FAM234A: variants seen among roughly 807,000 people sequenced by gnomAD.
FAM234A encodes family with sequence similarity 234 member A.
FAM234A carries 42 observed loss-of-function variants against 49.1 expected under a neutral mutation model. That is an observed-to-expected ratio of 0.86 (90% CI 0.67 to 1.11). The LOEUF is 1.11. FAM234A is among the 50% of genes least tolerant of loss of function. The probability of loss-of-function intolerance (pLI) is 0.00; values close to 1 mark genes in which losing one functional copy is unlikely to be tolerated. For synonymous variants in FAM234A, 369 were observed against 316.2 expected, an observed-to-expected ratio of 1.17 and a Z score of -1.77; for missense variants, 815 against 745.2, an observed-to-expected ratio of 1.09 and a Z score of -1.09.
chr16:266,259 C>G, downstream of FAM234A: 1 of 216,962 alleles, frequency 4.6e-6, no homozygotes. Context: ...CCACCCAGAC[C>G]TGCTCAGTCA....
rs551636185 is a variant in FAM234A at position 260,423 on chromosome 16, A to T, written c.577+263A>T. ...GGCTGTAACACACAGGGGCAGTCCG[A>T]TGTCACCTGCCATGGGGTAGCAGAG... On this transcript the variant is annotated intron_variant, in intron 5 of 12. Coordinates refer to ENST00000399932, the MANE Select transcript of FAM234A (RefSeq NM_032039.4). 3.1e-5 allele frequency: 17 copies of T among 543,570 alleles called. No individual in the cohort carries two copies. In the African/African-American group the frequency reaches 3.2e-4, roughly 10 times the overall value. 33.7% of individuals were successfully genotyped at this position (543,570 alleles called of 1,614,324 possible). A position where few individuals can be genotyped will look rare whatever the true frequency, so the allele number is the denominator to read the frequency against.
chr16:267,832 T>C (rs374616979), downstream of FAM234A, among the ~76,000 whole-genome samples: 1,318 of 146,944 alleles, frequency 9.0e-3, 14 homozygotes, highest in Non-Finnish European at 0.012. Flanking sequence ...ACACATGCTA[T>C]GCGTACACAC....
rs1596867901 is a variant in FAM234A at position 265,909 on chromosome 16, C to T, written c.*887C>T. 7.1e-6 allele frequency: 7 copies of T among 986,452 alleles called. No homozygotes were observed. Among genetic ancestry groups the T allele is most frequent in the Non-Finnish European group, 8.4e-6 (7 of 830,492 alleles). 61.1% of individuals were successfully genotyped at this position (986,452 alleles called of 1,614,324 possible). ...TCTCCCCTTCCGGTGCTCACACGCC[C>T]ACGCCGTGCCACCCGATGCAGGACT... On this transcript the variant is annotated 3_prime_UTR_variant, in exon 13 of 13. Transcript: ENST00000399932.
rs12920602 is a variant in FAM234A, at chr16:234,875, C to T, written c.-140+18C>T. 6 of 152,266 alleles carry T rather than the reference C, an allele frequency of 3.9e-5. No individual in the cohort carries two copies. Among genetic ancestry groups the T allele is most frequent in the Admixed American group, 2.0e-4 (3 of 15,272 alleles). 9.4% of individuals were successfully genotyped at this position (152,266 alleles called of 1,614,324 possible). ...GGCGGCAGGTGAGTGAGCGCGGCCT[C>T]GTACTCGCGCGTGCACGCCGCAGGG... is the stretch of plus-strand genomic sequence containing the variant. On this transcript the variant is annotated intron_variant, in intron 1 of 12. Transcript: ENST00000399932.
At chr16:266,357 G>C (rs1456528101), downstream of FAM234A, among the ~76,000 whole-genome samples, 1 of 152,244 alleles carries the variant, frequency 6.6e-6, no homozygotes, top group Non-Finnish European at 1.5e-5. Flanking sequence ...CTGGCCCCAT[G>C]CAAGCGGGTG....
intron 1 of FAM234A, among the ~76,000 whole-genome samples, chr16:242,863 C>T (rs1393721599): frequency 1.3e-5 from 2 of 152,310 alleles, no homozygotes; most frequent in Non-Finnish European, 1.5e-5. Flanking sequence ...CCACCCACCT[C>T]AGCCTCCCAA....
intron 1 of FAM234A, among the ~76,000 whole-genome samples, chr16:245,090 C>T (rs542194980): frequency 6.6e-6 from 1 of 151,896 alleles, no homozygotes; most frequent in Non-Finnish European, 1.5e-5. Context: ...TTAGGCTGGG[C>T]GTGGCCCACA....
chr16:268,578 G>A, downstream of FAM234A: 1 of 612,016 alleles, frequency 1.6e-6, no homozygotes, highest in Non-Finnish European at 2.9e-6. Flanking sequence ...ATGGAATCGG[G>A]CCTCGTCAGT....
At chr16:252,178 G>GTTT (rs1368906456) in intron 2 of FAM234A, among the ~76,000 whole-genome samples, 12 of 126,110 alleles carry the variant, frequency 9.5e-5, no homozygotes, top group Admixed American at 1.6e-4. Context: ...CTGTTTTTCT[G>GTTT]TTTTTTGTTT....
chr16:268,412 G>T (rs1469835724), downstream of FAM234A: 8 of 338,484 alleles, frequency 2.4e-5, no homozygotes, highest in African/African-American at 1.5e-4. Context: ...CCGCCCTACC[G>T]CCGAGAGAGT....
At chr16:262,288 C>G (rs566146463) in intron 7 of FAM234A, 63 bp downstream of exon 7, 1 of 1,594,152 alleles carries the variant, frequency 6.3e-7, no homozygotes, top group African/African-American at 1.3e-5. Context: ...CCCTGCGGCT[C>G]CTCAGGTCCT....
At chr16:257,254 T>C in intron 3 of FAM234A, among the ~76,000 whole-genome samples, 1 of 143,060 alleles carries the variant, frequency 7.0e-6, no homozygotes, top group Non-Finnish European at 1.5e-5. Flanking sequence ...TTTTTTTTTT[T>C]TTTTTTTTGG....
chr16:266,982 C>G (rs996066409), downstream of FAM234A, among the ~76,000 whole-genome samples: 7 of 152,056 alleles, frequency 4.6e-5, no homozygotes, highest in Non-Finnish European at 7.4e-5. Context: ...GTGGGCAGGG[C>G]CATGAGCCCC....
chr16:266,301 C>G (rs1336651987), downstream of FAM234A, among the ~76,000 whole-genome samples: 2 of 152,214 alleles, frequency 1.3e-5, no homozygotes, highest in Non-Finnish European at 2.9e-5. Context: ...TTGACATCCT[C>G]TGGGGGTCTC....
intron 2 of FAM234A, among the ~76,000 whole-genome samples, chr16:253,381 T>A (rs571545252): frequency 8.5e-5 from 13 of 152,322 alleles, no homozygotes; most frequent in African/African-American, 2.9e-4. Context: ...TTCTAGTTAG[T>A]CTGTGCTTAT....
chr16:249,164 G>A (rs1182003771), intron 1 of FAM234A, among the ~76,000 whole-genome samples: 2 of 152,010 alleles, frequency 1.3e-5, no homozygotes, highest in Non-Finnish European at 1.5e-5. Context: ...AGAGGAAGAG[G>A]CCCTTTCCCC....
At chr16:236,944 G>T (rs1482424396) in intron 1 of FAM234A, among the ~76,000 whole-genome samples, 1 of 151,484 alleles carries the variant, frequency 6.6e-6, no homozygotes, top group African/African-American at 2.4e-5. Flanking sequence ...ATTTTGTAGG[G>T]ATGGGGTCTC....
intron 1 of FAM234A, among the ~76,000 whole-genome samples, chr16:240,959 G>A (rs1253507262): frequency 6.6e-6 from 1 of 151,304 alleles, no homozygotes; most frequent in Non-Finnish European, 1.5e-5. Flanking sequence ...TTTTTTTTGA[G>A]ACAGGGTCTT....
At chr16:257,682 A>G (rs1364383170) in intron 3 of FAM234A, among the ~76,000 whole-genome samples, 2 of 151,676 alleles carry the variant, frequency 1.3e-5, no homozygotes, top group Non-Finnish European at 2.9e-5. Flanking sequence ...ATTTTTGTGC[A>G]TGACGTAAAG....
Sources: gnomAD v4.1 joint callset for allele counts (sites outside exome capture counted in the v4.1 genomes callset) on GRCh38, gnomAD v4.1.1 for gene constraint, MANE v1.5 for transcripts, NCBI Gene and HGNC (gene_info 2026-07-23, HGNC 2026-07-21) for gene names.